PHACTR4: variants seen among roughly 807,000 people sequenced by gnomAD.
The protein encoded by PHACTR4 is protein phosphatase 1, regulatory subunit 124.
A neutral mutation model predicts 72.7 loss-of-function variants in PHACTR4; 51 were observed. The observed-to-expected ratio is 0.70, with a 90% CI of 0.56 to 0.89. The LOEUF (loss-of-function observed/expected upper bound fraction) is 0.89, where lower values mean the gene tolerates loss of function less well. PHACTR4 is among the 40% of genes least tolerant of loss of function. The pLI is 0.00. For missense variants in PHACTR4, 731 were observed against 861.8 expected (o/e 0.85, Z 1.90); for synonymous variants, 255 against 302.5 (o/e 0.84, Z 1.63).
chr1:28,476,039 C>T (rs1178855717), intron 7 of PHACTR4, 68 bp from the exon 8 acceptor site: 5 of 1,454,684 alleles, frequency 3.4e-6, no homozygotes, highest in Non-Finnish European at 4.6e-6. Context: ...TTATTTCAGT[C>T]CTTTGTCTTA....
intron 9 of PHACTR4, among the ~76,000 whole-genome samples, chr1:28,483,812 AAAAAAAAG>A (rs1660444622): frequency 6.6e-6 from 1 of 151,516 alleles, no homozygotes; most frequent in African/African-American, 2.4e-5. Flanking sequence ...AAAAAAAAAA[AAAAAAAAG>A]AGAGAGATAA....
chr1:28,463,656 G>C (rs1370479435), intron 4 of PHACTR4, among the ~76,000 whole-genome samples: 1 of 152,212 alleles, frequency 6.6e-6, no homozygotes, highest in African/African-American at 2.4e-5. Context: ...GTAGTTGTCA[G>C]ATTACTTTGG....
At chr1:28,445,649 G>A (rs1385712512) in intron 2 of PHACTR4, among the ~76,000 whole-genome samples, 2 of 152,114 alleles carry the variant, frequency 1.3e-5, no homozygotes, top group Admixed American at 6.6e-5. Context: ...GAAACTTGGA[G>A]TTATGGGGTT....
intron 6 of PHACTR4, among the ~76,000 whole-genome samples, chr1:28,472,026 A>G (rs1052430371): frequency 6.6e-6 from 1 of 152,044 alleles, no homozygotes; most frequent in Admixed American, 6.6e-5. Flanking sequence ...CCTGGCTAAC[A>G]TGATGAAACC....
In PHACTR4 at chr1:28,499,673, G is replaced by T. The variant is rs1223549200; in HGVS notation, c.*3124G>T. ...TGTGTTTTGTTAGAGATGAGGTTTT[G>T]CCATATTGCCCAGGCTCGTCTTGAA... On this transcript the variant is annotated 3_prime_UTR_variant, in exon 14 of 14. Transcript: ENST00000373839. The T allele has an allele frequency of 6.6e-6, 1 of 152,018 alleles. No homozygotes were observed. The highest frequency in any genetic ancestry group is 1.5e-5 in the Non-Finnish European group (1 of 68,022). The allele number at this position is 152,018 out of a possible 1,614,324, so 9.4% of individuals were successfully genotyped here.
At chr1:28,447,732 C>A (rs1365053672) in intron 2 of PHACTR4, among the ~76,000 whole-genome samples, 4 of 152,084 alleles carry the variant, frequency 2.6e-5, no homozygotes, top group Non-Finnish European at 5.9e-5. Flanking sequence ...CTTCTTGATA[C>A]AATCATAGGC....
chr1:28,489,058 T>C, intron 9 of PHACTR4, 112 bp from the exon 10 acceptor site: 1 of 664,914 alleles, frequency 1.5e-6, no homozygotes, highest in Non-Finnish European at 2.5e-6. Context: ...GTTTGAAAAT[T>C]TGTTGATTTC....
At chr1:28,453,747 A>C (rs573450845) in intron 2 of PHACTR4, 2 of 1,098,632 alleles carry the variant, frequency 1.8e-6, no homozygotes, top group African/African-American at 3.1e-5. Flanking sequence ...GAAGTTACAG[A>C]TGAAGAAATT....
intron 10 of PHACTR4, 95 bp from the exon 11 acceptor site, chr1:28,490,852 AAAAC>A: frequency 7.7e-7 from 1 of 1,303,276 alleles, no homozygotes; most frequent in Non-Finnish European, 1.1e-6. Flanking sequence ...TCAAAAAAAA[AAAAC>A]AAAAAAGAAA....
chr1:28,445,585 T>C (rs1657407131), intron 2 of PHACTR4, among the ~76,000 whole-genome samples: 1 of 152,198 alleles, frequency 6.6e-6, no homozygotes, highest in Admixed American at 6.6e-5. Flanking sequence ...TAAAAGATAC[T>C]GTATGTTCTC....
In PHACTR4 at chr1:28,493,061, A is replaced by G. The variant is rs1162556459; in HGVS notation, c.2063A>G (p.Glu688Gly). The change falls in exon 13 of 14, where the codon GAG becomes GGG. Residue 688 changes from glutamate (E) to glycine (G), a missense_variant. By Grantham distance (98) the Glu-to-Gly change is moderately conservative (BLOSUM62 -2). Transcript: ENST00000373839. ...AATGAATTTAAAAGCTCCGAGATGG[A>G]GGTTCATGAAGAGAGCAAACATTTT... ...ELNEFKSSEM[E>G]VHEESKHFTR... 6.2e-7 allele frequency: 1 copy of G among 1,613,470 alleles called. No individual in the cohort carries two copies.
intron 9 of PHACTR4, among the ~76,000 whole-genome samples, chr1:28,481,092 T>A (rs1203424338): frequency 6.6e-6 from 1 of 151,850 alleles, no homozygotes; most frequent in Non-Finnish European, 1.5e-5. Flanking sequence ...AGTGCAGTGG[T>A]TCAATCATGG....
At chr1:28,444,042 T>G (rs1184668162) in intron 2 of PHACTR4, among the ~76,000 whole-genome samples, 1 of 151,974 alleles carries the variant, frequency 6.6e-6, no homozygotes, top group African/African-American at 2.4e-5. Context: ...TAGTTTACAT[T>G]CCCACCGACA....
At chr1:28,397,704 C>CTT (rs201612295) in intron 1 of PHACTR4, among the ~76,000 whole-genome samples, 7 of 136,462 alleles carry the variant, frequency 5.1e-5, no homozygotes, top group South Asian at 4.7e-4. Context: ...ATAATTTTTG[C>CTT]TTTTTTTTTT....
chr1:28,472,555 T>C (rs1159770723), intron 6 of PHACTR4, among the ~76,000 whole-genome samples: 2 of 152,122 alleles, frequency 1.3e-5, no homozygotes, highest in Non-Finnish European at 2.9e-5. Context: ...CTAATACTTA[T>C]TTTATGCTAT....
At chr1:28,437,737 A>C (rs1034971869) in intron 2 of PHACTR4, among the ~76,000 whole-genome samples, 1 of 152,144 alleles carries the variant, frequency 6.6e-6, no homozygotes, top group Admixed American at 6.5e-5. Context: ...CAATGACCTA[A>C]TTATCTCCCA....
chr1:28,482,749 G>A (rs879622715), intron 9 of PHACTR4, among the ~76,000 whole-genome samples: 1 of 151,326 alleles, frequency 6.6e-6, no homozygotes. Flanking sequence ...AGAGCAACCC[G>A]GGCAACAAAG....
chr1:28,447,637 C>T (rs1430167677), intron 2 of PHACTR4, among the ~76,000 whole-genome samples: 2 of 151,856 alleles, frequency 1.3e-5, no homozygotes, highest in African/African-American at 4.8e-5. Context: ...ATATTCTGGC[C>T]CTTCACTATA....
chr1:28,379,348 A>G lies in PHACTR4; in HGVS notation c.-39+9523A>G, dbSNP rs550770671. Among the ~76,000 whole-genome samples the G allele has an allele frequency of 5.3e-5, 8 of 151,112 alleles. 1 individual carries two copies. The highest frequency in any genetic ancestry group is 1.9e-4 in the African/African-American group (8 of 41,164). The stretch of plus-strand genomic sequence containing the variant: ...AGTGGTGCGACCACAGCTCACTGCA[A>G]CCTCTACCTCCTCAGGCTCAGGTGG... On this transcript the variant is annotated intron_variant, in intron 1 of 13. Coordinates refer to ENST00000373839, the MANE Select transcript of PHACTR4 (RefSeq NM_001048183.3).
Sources: allele counts gnomAD v4.1 joint callset (sites outside exome capture counted in the v4.1 genomes callset), GRCh38; gene constraint gnomAD v4.1.1; transcripts MANE v1.5; gene names NCBI Gene and HGNC (gene_info 2026-07-23, HGNC 2026-07-21).